Variants in KIAA1549L observed in about 807,000 individuals in gnomAD.
The protein encoded by KIAA1549L is KIAA1549 like, also known as UPF0606 protein KIAA1549L.
In KIAA1549L, 88 loss-of-function variants were observed where a neutral mutation model predicts 160.7. The observed-to-expected ratio is 0.55, with a 90% CI of 0.46 to 0.65. KIAA1549L has a LOEUF of 0.65. Ranked by LOEUF, KIAA1549L falls within the 30% of genes least tolerant of loss-of-function variation. KIAA1549L has a pLI of 0.00. For synonymous variants in KIAA1549L, 950 were observed against 976.7 expected, an observed-to-expected ratio of 0.97 and a Z score of 0.51; for missense variants, 2,258 against 2,437.5, an observed-to-expected ratio of 0.93 and a Z score of 1.55.
chr11:33,579,106 A>T (rs1000437736), intron 10 of KIAA1549L, among the ~76,000 whole-genome samples: 2 of 152,198 alleles, frequency 1.3e-5, no homozygotes, highest in African/African-American at 4.8e-5. Context: ...CTTTCTAGTT[A>T]TGGAGCTTGG....
At chr11:33,551,973 C>A in intron 5 of KIAA1549L, 135 bp from the exon 6 acceptor site, 1 of 960,750 alleles carries the variant, frequency 1.0e-6, no homozygotes. Flanking sequence ...ACAAGCAAAC[C>A]TTGTCTGGCC....
At chr11:33,415,720 A>T (rs1535703) in intron 1 of KIAA1549L, among the ~76,000 whole-genome samples, 6 of 151,892 alleles carry the variant, frequency 4.0e-5, no homozygotes, top group African/African-American at 1.5e-4. Context: ...TATATCCTTG[A>T]GCTTTTTTCC....
intron 16 of KIAA1549L, among the ~76,000 whole-genome samples, chr11:33,625,911 T>C (rs2133364731): frequency 6.6e-6 from 1 of 151,108 alleles, no homozygotes; most frequent in African/African-American, 2.4e-5. Flanking sequence ...TTTAAGTCTT[T>C]AATCCATCTT....
intron 1 of KIAA1549L, among the ~76,000 whole-genome samples, chr11:33,400,746 G>A (rs902479222): frequency 5.9e-5 from 9 of 152,206 alleles, no homozygotes; most frequent in Non-Finnish European, 1.3e-4. Context: ...TATAGTAATA[G>A]TAATAGTTTC....
intron 1 of KIAA1549L, among the ~76,000 whole-genome samples, chr11:33,467,315 T>C (rs1852084292): frequency 6.6e-6 from 1 of 152,122 alleles, no homozygotes; most frequent in African/African-American, 2.4e-5. Flanking sequence ...TGTTCCATAA[T>C]AAGGCATGTT....
Position 33,609,953 on chromosome 11 carries a change from G to A in KIAA1549L, c.5266G>A (p.Glu1756Lys), listed in dbSNP as rs766107698. 4.2e-5 allele frequency: 67 copies of A among 1,613,374 alleles called. 1 individual carries two copies. In the South Asian group the frequency reaches 6.7e-4, roughly 16 times the overall value. Reference sequence around the variant, plus strand: ...TTCAGAACTCTGTGCTCCATTCACCGAGTCTAAAAACAGGTGCAGTCTCTA... The same window carrying A: ...TTCAGAACTCTGTGCTCCATTCACCAAGTCTAAAAACAGGTGCAGTCTCTA... ...PDSELCAPFT[E>K]SKNRQQMKNS... is the part of the protein sequence containing the mutation. The change falls in exon 15 of 21, where the codon GAG (glutamate) becomes AAG (lysine). Residue 1756 changes from glutamate to lysine, a missense_variant. Transcript: ENST00000658780.
At chr11:33,621,576 A>G (rs1171981708) in intron 16 of KIAA1549L, among the ~76,000 whole-genome samples, 3 of 152,244 alleles carry the variant, frequency 2.0e-5, no homozygotes, top group Non-Finnish European at 2.9e-5. Context: ...AATGTGTAAA[A>G]GCAAAAATAT....
chr11:33,667,559 A>AT (rs371234540), intron 20 of KIAA1549L, among the ~76,000 whole-genome samples: 17 of 151,720 alleles, frequency 1.1e-4, no homozygotes, highest in African/African-American at 4.1e-4. Flanking sequence ...TGCCTGGCTA[A>AT]TTTTTTTTGT....
At chr11:33,391,143 T>C (rs979126313) in intron 1 of KIAA1549L, among the ~76,000 whole-genome samples, 70 of 152,254 alleles carry the variant, frequency 4.6e-4, no homozygotes, top group African/African-American at 1.6e-3. Flanking sequence ...TGGTACAACC[T>C]AGTAGGCACT....
intron 1 of KIAA1549L, among the ~76,000 whole-genome samples, chr11:33,494,759 G>A (rs1048397377): frequency 1.3e-5 from 2 of 152,172 alleles, no homozygotes; most frequent in African/African-American, 2.4e-5. Context: ...ACTTTGGCTC[G>A]ATGCTGCTTC....
intron 1 of KIAA1549L, among the ~76,000 whole-genome samples, chr11:33,405,261 A>T (rs1850620987): frequency 6.6e-6 from 1 of 152,154 alleles, no homozygotes; most frequent in Non-Finnish European, 1.5e-5. Flanking sequence ...GCATTGGTGT[A>T]AACAGAATAA....
chr11:33,390,519 G>T (rs1850253426), intron 1 of KIAA1549L, among the ~76,000 whole-genome samples: 1 of 152,188 alleles, frequency 6.6e-6, no homozygotes, highest in Non-Finnish European at 1.5e-5. Flanking sequence ...ATTCCCATGA[G>T]GGAGAATCAA....
chr11:33,409,387 A>G (rs781535483), intron 1 of KIAA1549L, among the ~76,000 whole-genome samples: 9 of 152,176 alleles, frequency 5.9e-5, no homozygotes, highest in Non-Finnish European at 1.0e-4. Flanking sequence ...TATCCTGAAT[A>G]TTTCTGAGTT....
intron 1 of KIAA1549L, among the ~76,000 whole-genome samples, chr11:33,517,727 A>G (rs1203489739): frequency 6.6e-6 from 1 of 152,214 alleles, no homozygotes; most frequent in Admixed American, 6.5e-5. Flanking sequence ...ACATGTTGAA[A>G]TGAGTCATGA....
At chr11:33,566,755 A>G (rs898788726) in intron 8 of KIAA1549L, among the ~76,000 whole-genome samples, 1 of 152,158 alleles carries the variant, frequency 6.6e-6, no homozygotes, top group Admixed American at 6.5e-5. Flanking sequence ...GTTGTACTGG[A>G]TGCCATAACT....
At chr11:33,607,663 T>C (rs1277837322) in intron 14 of KIAA1549L, among the ~76,000 whole-genome samples, 1 of 152,242 alleles carries the variant, frequency 6.6e-6, no homozygotes, top group Non-Finnish European at 1.5e-5. Flanking sequence ...CAGCTATTTT[T>C]ACCTGCAAGA....
At chr11:33,539,269 C>T (rs998308443) in intron 1 of KIAA1549L, among the ~76,000 whole-genome samples, 10 of 152,074 alleles carry the variant, frequency 6.6e-5, no homozygotes, top group Admixed American at 4.6e-4. Context: ...TTTAATTAAA[C>T]CATCCAATAT....
chr11:33,474,734 A>C (rs771947994), intron 1 of KIAA1549L, among the ~76,000 whole-genome samples: 1 of 152,236 alleles, frequency 6.6e-6, no homozygotes, highest in African/African-American at 2.4e-5. Flanking sequence ...AGAGTACTGC[A>C]TAGAAACTGG....
intron 1 of KIAA1549L, among the ~76,000 whole-genome samples, chr11:33,381,621 A>C (rs1443135455): frequency 6.6e-6 from 1 of 152,220 alleles, no homozygotes; most frequent in Non-Finnish European, 1.5e-5. Context: ...CCATTGGAGC[A>C]TCCAAACAAG....
Sources: gnomAD v4.1 joint callset for allele counts (sites outside exome capture counted in the v4.1 genomes callset) on GRCh38, gnomAD v4.1.1 for gene constraint, MANE v1.5 for transcripts, NCBI Gene and HGNC (gene_info 2026-07-23, HGNC 2026-07-21) for gene names.